TRMT9B: variants seen among roughly 807,000 people sequenced by gnomAD.
TRMT9B encodes the protein tRNA methyltransferase 9B (putative), also known as probable tRNA methyltransferase 9B.
TRMT9B carries 16 observed loss-of-function variants against 11.5 expected under a neutral mutation model. The observed-to-expected ratio is 1.39, with a 90% CI of 0.94 to 2.11. TRMT9B has a LOEUF of 2.11. Ranked by LOEUF, TRMT9B falls within the 30% of genes most tolerant of loss-of-function variation. The pLI is 0.00. For missense variants in TRMT9B, 941 were observed against 553.8 expected (o/e 1.70, Z -7.02); for synonymous variants, 274 against 192.4 (o/e 1.42, Z -3.51).
rs1814038731 is a variant in TRMT9B, at chr8:13,021,986, C to T, written c.1307C>T (p.Ser436Phe). Reference protein sequence around the residue: ...ENVSELRILSSGNDHGNWCII... With the variant: ...ENVSELRILSFGNDHGNWCII... Reference sequence around the variant, plus strand: ...GTGTCAGAGCTCCGTATCCTGAGTTCTGGGAATGATCATGGTAACTGGTGT... The same window carrying T: ...GTGTCAGAGCTCCGTATCCTGAGTTTTGGGAATGATCATGGTAACTGGTGT... The change falls in exon 5 of 5, where the codon TCT becomes TTT. Residue 436 changes from serine (S) to phenylalanine (F), a missense_variant. Physicochemically the swap from Ser to Phe is radical, Grantham distance 155. Transcript: ENST00000524591. The T allele has an allele frequency of 1.9e-6, 3 of 1,612,694 alleles. No homozygotes were observed. The highest frequency in any genetic ancestry group is 2.5e-6 in the Non-Finnish European group (3 of 1,179,536).
At chr8:12,994,138 A>C (rs998339986) in intron 2 of TRMT9B, among the ~76,000 whole-genome samples, 54 of 152,186 alleles carry the variant, frequency 3.5e-4, no homozygotes, top group African/African-American at 1.3e-3. Context: ...GCAGTTCCCC[A>C]AAGGAACAGA....
chr8:12,997,892 A>G (rs1808656688), intron 2 of TRMT9B, among the ~76,000 whole-genome samples: 1 of 152,148 alleles, frequency 6.6e-6, no homozygotes, highest in South Asian at 2.1e-4. Flanking sequence ...CACCGATTCC[A>G]TGTTTTCACC....
intron 4 of TRMT9B, among the ~76,000 whole-genome samples, chr8:13,015,729 G>C (rs543316958): frequency 6.6e-6 from 1 of 152,192 alleles, no homozygotes. Context: ...AGGGGATATA[G>C]ACCACCTTTC....
Position 13,021,245 on chromosome 8 carries a change from C to G in TRMT9B, c.566C>G (p.Pro189Arg). The part of the protein sequence containing the change: ...RQCGYPERGH[P>R]YHPPCSECSC... ...TGTGGATACCCAGAAAGAGGCCATCCCTACCATCCTCCTTGCTCTGAGTGT... is the reference window on the plus strand; with the variant it reads ...TGTGGATACCCAGAAAGAGGCCATCGCTACCATCCTCCTTGCTCTGAGTGT... Residue 189 changes from proline (P) to arginine (R), a missense_variant, in exon 5 of 5, where the codon CCC becomes CGC. Coordinates refer to ENST00000524591, the MANE Select transcript of TRMT9B (RefSeq NM_020844.3). 6.2e-7 allele frequency: 1 copy of G among 1,613,950 alleles called. No homozygotes were observed. The highest frequency in any genetic ancestry group is 8.5e-7 in the Non-Finnish European group (1 of 1,179,858).
chr8:12,965,171 C>T (rs141554489), intron 1 of TRMT9B, among the ~76,000 whole-genome samples: 17 of 152,270 alleles, frequency 1.1e-4, no homozygotes, highest in East Asian at 5.8e-4. Flanking sequence ...TTTTCATAAT[C>T]GTGGCACTTA....
At chr8:13,003,742 T>C (rs10107453) in intron 2 of TRMT9B, among the ~76,000 whole-genome samples, 11,404 of 151,146 alleles carry the variant, frequency 0.075, 927 homozygotes, top group African/African-American at 0.21. Context: ...GCAAGATGGC[T>C]AAATGGAAGG....
chr8:13,029,423 G>C lies in TRMT9B; in HGVS notation c.*7379G>C, dbSNP rs62486885. 0.017 allele frequency: 2,793 copies of C among 167,122 alleles called. 39 individuals are homozygous for C. Among genetic ancestry groups the C allele is most frequent in the Middle Eastern group, 0.061 (18 of 296 alleles). 10.4% of individuals were successfully genotyped at this position (167,122 alleles called of 1,614,324 possible). On this transcript the variant is annotated 3_prime_UTR_variant, in exon 5 of 5. Coordinates refer to ENST00000524591, the MANE Select transcript of TRMT9B (RefSeq NM_020844.3). ...AGTTTTATTTGCATTAATCAATAAT[G>C]TTCAGGATCTTTTTGTAGTAAGTAT...
intron 2 of TRMT9B, 144 bp from the exon 3 acceptor site, chr8:13,006,058 G>A: frequency 1.4e-6 from 1 of 718,934 alleles, no homozygotes. Context: ...TGAAGGTATT[G>A]TTCTTTGCAG....
At chr8:12,974,084 T>G (rs576750719) in intron 1 of TRMT9B, among the ~76,000 whole-genome samples, 1 of 152,174 alleles carries the variant, frequency 6.6e-6, no homozygotes, top group South Asian at 2.1e-4. Context: ...GGCGGGAGGA[T>G]GGCTTGAGCC....
intron 4 of TRMT9B, among the ~76,000 whole-genome samples, chr8:13,017,542 G>A (rs747625543): frequency 6.7e-6 from 1 of 148,328 alleles, no homozygotes; most frequent in African/African-American, 2.5e-5. Flanking sequence ...CATTTACAAT[G>A]TTTCTTAATA....
chr8:12,958,771 A>G (rs1032511813), intron 1 of TRMT9B: 1 of 152,254 alleles, frequency 6.6e-6, no homozygotes, highest in African/African-American at 2.4e-5. Flanking sequence ...GCCATAAAAA[A>G]GGATGAGTTC....
intron 1 of TRMT9B, among the ~76,000 whole-genome samples, chr8:12,977,133 G>A (rs902789521): frequency 6.6e-6 from 1 of 152,182 alleles, no homozygotes; most frequent in African/African-American, 2.4e-5. Context: ...TCCAGTTGCT[G>A]CCCTCTCCAG....
intron 2 of TRMT9B, among the ~76,000 whole-genome samples, chr8:12,991,977 C>T (rs1322248495): frequency 1.3e-5 from 2 of 152,114 alleles, no homozygotes; most frequent in Non-Finnish European, 2.9e-5. Flanking sequence ...AATCAGAAAA[C>T]ACAAAATAAA....
intron 3 of TRMT9B, chr8:13,010,565 G>A (rs778542960): frequency 2.0e-4 from 194 of 984,786 alleles, no homozygotes; most frequent in Non-Finnish European, 1.6e-4. Context: ...AATGAATAGG[G>A]GCAAATCAAG....
Position 13,021,460 on chromosome 8 carries a change from C to G in TRMT9B, c.781C>G (p.Leu261Val). The change falls in exon 5 of 5, where the codon CTG (leucine) becomes GTG (valine). Residue 261 changes from leucine (L) to valine (V), a missense_variant. Physicochemically the swap from Leu to Val is conservative, Grantham distance 32. Transcript: ENST00000524591. ...FFSRSLDEST[L>V]RKQIERVRPL... Reference sequence around the variant, plus strand: ...CTCCAGATCTTTGGATGAATCGACTCTGAGGAAGCAAATTGAAAGAGTAAG... The same window carrying G: ...CTCCAGATCTTTGGATGAATCGACTGTGAGGAAGCAAATTGAAAGAGTAAG... The G allele has an allele frequency of 3.7e-6, 6 of 1,613,980 alleles. No homozygotes were observed. Among genetic ancestry groups the G allele is most frequent in the Non-Finnish European group, 5.1e-6 (6 of 1,179,896 alleles).
chr8:12,994,601 G>A (rs1808000944), intron 2 of TRMT9B, among the ~76,000 whole-genome samples: 1 of 152,238 alleles, frequency 6.6e-6, no homozygotes, highest in African/African-American at 2.4e-5. Context: ...GACCTTAAAA[G>A]CAGAGTGGCT....
intron 2 of TRMT9B, among the ~76,000 whole-genome samples, chr8:13,005,078 T>C (rs753663209): frequency 7.0e-6 from 1 of 143,192 alleles, no homozygotes; most frequent in Non-Finnish European, 1.5e-5. Context: ...ACAGCGAGAC[T>C]GCATCTCAAA....
chr8:13,006,164 C>T (rs1285418735), intron 2 of TRMT9B, 38 bp from the exon 3 acceptor site: 1 of 1,605,596 alleles, frequency 6.2e-7, no homozygotes, highest in Non-Finnish European at 8.5e-7. Context: ...GGTGCATAGG[C>T]TGACCTGCAT....
At chr8:12,954,188 G>A (rs192309809) in intron 1 of TRMT9B, among the ~76,000 whole-genome samples, 1 of 152,198 alleles carries the variant, frequency 6.6e-6, no homozygotes, top group South Asian at 2.1e-4. Context: ...CTCTGTGTAC[G>A]TGTATCTCTG....
Sources: gnomAD v4.1 joint callset for allele counts (sites outside exome capture counted in the v4.1 genomes callset) on GRCh38, gnomAD v4.1.1 for gene constraint, MANE v1.5 for transcripts, NCBI Gene and HGNC (gene_info 2026-07-23, HGNC 2026-07-21) for gene names.